TSC22D1: variants seen among roughly 807,000 people sequenced by gnomAD.
TSC22D1 encodes TSC22 domain family protein 1.
In TSC22D1, 9 loss-of-function variants were observed where a neutral mutation model predicts 74.2. The ratio of observed to expected loss-of-function variants is 0.12; its 90% confidence interval spans 0.07 to 0.21. The LOEUF is 0.21. Ranked by LOEUF, TSC22D1 falls within the 10% of genes least tolerant of loss-of-function variation. TSC22D1 has a pLI of 1.00. For missense variants in TSC22D1, 1,427 were observed against 1,304.7 expected, an observed-to-expected ratio of 1.09 and a Z score of -1.44; for synonymous variants, 586 against 492.5, an observed-to-expected ratio of 1.19 and a Z score of -2.51.
At chr13:44,548,454 T>C (rs992232821) in intron 1 of TSC22D1, among the ~76,000 whole-genome samples, 13 of 152,220 alleles carry the variant, frequency 8.5e-5, no homozygotes, top group Admixed American at 7.9e-4. Flanking sequence ...AGAATAAACA[T>C]ACTGTTTTAA....
chr13:44,433,159 GCTC>G lies in TSC22D1; in HGVS notation c.*1464_*1466del, dbSNP rs887840970. The G allele has an allele frequency of 1.8e-4, 27 of 152,174 alleles. No individual in the cohort carries two copies. Among genetic ancestry groups the G allele is most frequent in the African/African-American group, 6.3e-4 (26 of 41,512 alleles). The allele number at this position is 152,174 out of a possible 1,614,324, so 9.4% of individuals were successfully genotyped here. ...TTATTCCAATTATACACAGAATAAGGCTCCTTCTTCCTCTCAGTTCAGTAAAAA... is the reference window on the plus strand; with the variant it reads ...TTATTCCAATTATACACAGAATAAGGCTTCTTCCTCTCAGTTCAGTAAAAA... On this transcript the variant is annotated 3_prime_UTR_variant, in exon 3 of 3. Coordinates refer to ENST00000458659, the MANE Select transcript of TSC22D1 (RefSeq NM_183422.4).
At chr13:44,452,313 A>G (rs769524009) in intron 1 of TSC22D1, among the ~76,000 whole-genome samples, 3 of 152,154 alleles carry the variant, frequency 2.0e-5, no homozygotes, top group Admixed American at 6.5e-5. Context: ...TACCCCAGTT[A>G]ATCTTTACTA....
At chr13:44,561,977 C>A (rs1335299349) in intron 1 of TSC22D1, among the ~76,000 whole-genome samples, 1 of 152,118 alleles carries the variant, frequency 6.6e-6, no homozygotes, top group Admixed American at 6.5e-5. Context: ...AAATTACATT[C>A]TTTCAGATAC....
At chr13:44,512,352 G>A (rs1253489116) in intron 1 of TSC22D1, among the ~76,000 whole-genome samples, 1 of 151,660 alleles carries the variant, frequency 6.6e-6, no homozygotes, top group Non-Finnish European at 1.5e-5. Context: ...TGTATTTTTA[G>A]TAGAGACGGG....
intron 1 of TSC22D1, among the ~76,000 whole-genome samples, chr13:44,570,612 A>G (rs964880102): frequency 2.0e-5 from 3 of 152,232 alleles, no homozygotes; most frequent in African/African-American, 7.2e-5. Flanking sequence ...CCACATGTCT[A>G]AACATTTTAT....
chr13:44,434,225 G>A lies in TSC22D1; in HGVS notation c.*401C>T. 1.4e-6 allele frequency: 2 copies of A among 1,427,668 alleles called. No individual in the cohort carries two copies. Among genetic ancestry groups the A allele is most frequent in the Non-Finnish European group, 9.0e-7 (1 of 1,105,048 alleles). 88.4% of individuals were successfully genotyped at this position (1,427,668 alleles called of 1,614,324 possible). A position where few individuals can be genotyped will look rare whatever the true frequency, so the allele number is the denominator to read the frequency against. Reference sequence around the variant, plus strand: ...GGAGGAGAGGAGAGAGGCGAGTCCAGTGAGGAGCTCCATCGCTTCACAACC... The same window carrying A: ...GGAGGAGAGGAGAGAGGCGAGTCCAATGAGGAGCTCCATCGCTTCACAACC... On this transcript the variant is annotated 3_prime_UTR_variant, in exon 3 of 3. Coordinates refer to ENST00000458659, the MANE Select transcript of TSC22D1 (RefSeq NM_183422.4).
At chr13:44,556,401 C>G (rs1368951670) in intron 1 of TSC22D1, among the ~76,000 whole-genome samples, 1 of 151,690 alleles carries the variant, frequency 6.6e-6, no homozygotes, top group Non-Finnish European at 1.5e-5. Flanking sequence ...CAAAAATTAG[C>G]TGGGCGCAGT....
chr13:44,526,611 C>A (rs2138054318), intron 1 of TSC22D1, among the ~76,000 whole-genome samples: 1 of 152,240 alleles, frequency 6.6e-6, no homozygotes, highest in Middle Eastern at 3.4e-3. Context: ...CACTTAAGTC[C>A]CAGTAAGTCC....
Position 44,575,297 on chromosome 13 carries a change from T to C in TSC22D1, c.778A>G (p.Arg260Gly), listed in dbSNP as rs1170402407. The C allele has an allele frequency of 6.2e-6, 10 of 1,614,052 alleles. No homozygotes were observed. In the Admixed American group the frequency reaches 6.7e-5, roughly 11 times the overall value. Residue 260 changes from arginine (R) to glycine (G), a missense_variant, in exon 1 of 3, where the codon AGA becomes GGA. Coordinates refer to ENST00000458659, the MANE Select transcript of TSC22D1 (RefSeq NM_183422.4). ...TGGPPSSPVS[R>G]KLSTTGSSDS... The stretch of plus-strand genomic sequence containing the variant: ...GAGCTTCCAGTTGTAGAGAGTTTTC[T>C]AGATACTGGGCTTGAGGGTGGCCCA...
At chr13:44,504,334 G>T (rs983693913) in intron 1 of TSC22D1, among the ~76,000 whole-genome samples, 7 of 151,272 alleles carry the variant, frequency 4.6e-5, no homozygotes, top group African/African-American at 1.7e-4. Flanking sequence ...GTCACTGGGT[G>T]GGCCCAGTAG....
rs1309290106 is a variant in TSC22D1, at chr13:44,573,526, T to G, written c.2549A>C (p.Asn850Thr). 1.9e-6 allele frequency: 3 copies of G among 1,614,056 alleles called. No individual in the cohort carries two copies. The highest frequency in any genetic ancestry group is 2.7e-5 in the African/African-American group (2 of 74,906). The change falls in exon 1 of 3, where the codon AAC becomes ACC. Residue 850 changes from asparagine to threonine, a missense_variant. Physicochemically the swap from Asn to Thr is moderately conservative, Grantham distance 65. Coordinates refer to ENST00000458659, the MANE Select transcript of TSC22D1 (RefSeq NM_183422.4). ...GPSGMPSAPTNLVPPQNIAQT... is the reference protein window; with the variant it reads ...GPSGMPSAPTTLVPPQNIAQT... The stretch of plus-strand genomic sequence containing the variant: ...TGCTATATTTTGTGGTGGAACCAAG[T>G]TTGTTGGGGCAGAAGGCATTCCAGA...
chr13:44,550,929 G>A (rs987361867), intron 1 of TSC22D1, among the ~76,000 whole-genome samples: 2 of 150,356 alleles, frequency 1.3e-5, no homozygotes, highest in African/African-American at 4.9e-5. Context: ...GACAAAGTGA[G>A]ATCCAGTCTC....
At chr13:44,552,802 C>T (rs1882372857) in intron 1 of TSC22D1, among the ~76,000 whole-genome samples, 1 of 152,154 alleles carries the variant, frequency 6.6e-6, no homozygotes, top group Non-Finnish European at 1.5e-5. Context: ...TCCTGGCTAA[C>T]ATGGTGAAAC....
At chr13:44,494,010 T>A (rs1823888448) in intron 1 of TSC22D1, among the ~76,000 whole-genome samples, 1 of 151,890 alleles carries the variant, frequency 6.6e-6, no homozygotes, top group African/African-American at 2.4e-5. Flanking sequence ...GAGGGAAGAT[T>A]GCTTACGTCC....
intron 1 of TSC22D1, among the ~76,000 whole-genome samples, chr13:44,471,996 C>T (rs574044928): frequency 3.9e-5 from 6 of 152,186 alleles, no homozygotes; most frequent in Non-Finnish European, 5.9e-5. Context: ...CCACTGTCAG[C>T]GTGTCAAAGT....
At chr13:44,572,614 C>G (rs1236942225) in intron 1 of TSC22D1, among the ~76,000 whole-genome samples, 1 of 152,106 alleles carries the variant, frequency 6.6e-6, no homozygotes, top group Non-Finnish European at 1.5e-5. Flanking sequence ...TAAATAAGTA[C>G]GCAAAAGTTG....
At chr13:44,466,493 G>A (rs1315572612) in intron 1 of TSC22D1, among the ~76,000 whole-genome samples, 1 of 152,236 alleles carries the variant, frequency 6.6e-6, no homozygotes, top group East Asian at 1.9e-4. Context: ...CCTTGGCCGG[G>A]CATAGTGGCT....
chr13:44,529,820 A>G (rs1270415671), intron 1 of TSC22D1, among the ~76,000 whole-genome samples: 5 of 152,156 alleles, frequency 3.3e-5, no homozygotes, highest in Non-Finnish European at 7.4e-5. Flanking sequence ...CACCATTTAC[A>G]TTAACACCAA....
Position 44,575,442 on chromosome 13 carries a change from G to A in TSC22D1, c.633C>T (p.Ile211=), listed in dbSNP as rs779453218. The part of the protein sequence containing the change: ...LPHLPQQNVV[I]NGNAHPHHLH... ...GGTGGTGTGGATGAGCATTCCCATT[G>A]ATCACAACATTCTGTTGTGGAAGGT... The change falls in exon 1 of 3, where the codon ATC becomes ATT. Residue 211 remains isoleucine, a synonymous_variant. Transcript: ENST00000458659. 12 of 1,614,028 alleles carry A rather than the reference G, an allele frequency of 7.4e-6. No homozygotes were observed. The highest frequency in any genetic ancestry group is 1.6e-4 in the Middle Eastern group (1 of 6,084).
Sources: allele counts gnomAD v4.1 joint callset (sites outside exome capture counted in the v4.1 genomes callset), GRCh38; gene constraint gnomAD v4.1.1; transcripts MANE v1.5; gene names NCBI Gene and HGNC (gene_info 2026-07-23, HGNC 2026-07-21).